Variants in ABLIM1 observed in about 807,000 individuals in gnomAD.
The protein encoded by ABLIM1 is actin binding LIM protein 1, also known as actin-binding LIM protein 1.
ABLIM1 carries 40 observed loss-of-function variants against 107.0 expected under a neutral mutation model. The observed-to-expected ratio is 0.37, with a 90% CI of 0.29 to 0.49. ABLIM1 has a LOEUF of 0.49. Among genes scored for constraint, ABLIM1 ranks in the 20% least tolerant of loss-of-function variants. The probability of loss-of-function intolerance (pLI) is 0.97; values close to 1 mark genes in which losing one functional copy is unlikely to be tolerated. For missense variants in ABLIM1, 857 were observed against 1,008.5 expected, an observed-to-expected ratio of 0.85 and a Z score of 2.04; for synonymous variants, 357 against 357.3, an observed-to-expected ratio of 1.00 and a Z score of 0.01.
chr10:114,766,136 C>T (rs1397100829), intron 1 of ABLIM1, among the ~76,000 whole-genome samples: 1 of 152,176 alleles, frequency 6.6e-6, no homozygotes, highest in Non-Finnish European at 1.5e-5. Flanking sequence ...CTCTCAAAAC[C>T]TCAATTCCTT....
At chr10:114,718,111 G>GGAAGGA (rs2081742151) in intron 1 of ABLIM1, among the ~76,000 whole-genome samples, 1 of 109,310 alleles carries the variant, frequency 9.1e-6, no homozygotes, top group Non-Finnish European at 2.0e-5. Flanking sequence ...AAAAGAAAAA[G>GGAAGGA]AAAGAAAGAA....
At chr10:114,479,196 C>T (rs2056966083) in intron 8 of ABLIM1, among the ~76,000 whole-genome samples, 1 of 152,186 alleles carries the variant, frequency 6.6e-6, no homozygotes, top group South Asian at 2.1e-4. Context: ...GCATATAAAG[C>T]TCCAAGCACC....
At chr10:114,628,920 C>T (rs978504373) in intron 1 of ABLIM1, among the ~76,000 whole-genome samples, 8 of 152,010 alleles carry the variant, frequency 5.3e-5, no homozygotes, top group East Asian at 1.9e-4. Flanking sequence ...GGTTGACGAG[C>T]GTGTATTTAG....
intron 1 of ABLIM1, among the ~76,000 whole-genome samples, chr10:114,741,922 T>C (rs891259858): frequency 6.6e-6 from 1 of 152,244 alleles, no homozygotes; most frequent in African/African-American, 2.4e-5. Context: ...CTCATTGGAA[T>C]GTTATGCAGT....
At chr10:114,575,236 C>A (rs1236990643) in intron 3 of ABLIM1, among the ~76,000 whole-genome samples, 180 bp downstream of exon 3, 1 of 152,204 alleles carries the variant, frequency 6.6e-6, no homozygotes, top group Non-Finnish European at 1.5e-5. Context: ...GGACATCACA[C>A]ATACAGTTTC....
upstream of ABLIM1, among the ~76,000 whole-genome samples, chr10:114,659,053 A>G (rs891194787): frequency 2.0e-5 from 3 of 152,224 alleles, no homozygotes; most frequent in African/African-American, 7.2e-5. Context: ...ACAACCATAC[A>G]AAAGTCCCAA....
chr10:114,571,968 G>T (rs1019486544), intron 3 of ABLIM1, among the ~76,000 whole-genome samples: 1 of 152,180 alleles, frequency 6.6e-6, no homozygotes, highest in South Asian at 2.1e-4. Flanking sequence ...GGAGAAATGG[G>T]ACAGGCTGTA....
intron 12 of ABLIM1, among the ~76,000 whole-genome samples, chr10:114,457,995 C>T (rs1411481222): frequency 1.3e-5 from 2 of 152,112 alleles, no homozygotes; most frequent in Non-Finnish European, 2.9e-5. Context: ...ATTGCTTGAA[C>T]CCGGGAGGTG....
At chr10:114,780,808 T>C in the ABLIM1 span, among the ~76,000 whole-genome samples, 1 of 152,286 alleles carries the variant, frequency 6.6e-6, no homozygotes, top group Non-Finnish European at 1.5e-5. Flanking sequence ...GCCTAGGAGT[T>C]TGAGCCCTTA....
intron 1 of ABLIM1, among the ~76,000 whole-genome samples, chr10:114,704,335 T>TATATATCTCACG (rs3061769): frequency 0.038 from 3,159 of 82,814 alleles, 356 homozygotes; most frequent in South Asian, 0.054. Flanking sequence ...TATATATATA[T>TATATATCTCACG]TGCGCGCGTT....
chr10:114,519,693 C>G (rs748949001), intron 6 of ABLIM1, among the ~76,000 whole-genome samples: 1 of 152,198 alleles, frequency 6.6e-6, no homozygotes, highest in Admixed American at 6.5e-5. Flanking sequence ...GGTCCCTGCT[C>G]TTTGTGATGG....
chr10:114,574,871 C>A (rs374072053), intron 3 of ABLIM1, among the ~76,000 whole-genome samples: 1 of 152,094 alleles, frequency 6.6e-6, no homozygotes, highest in African/African-American at 2.4e-5. Context: ...TAAGACTTTG[C>A]GGACCATATG....
chr10:114,621,989 G>A (rs78131289), intron 1 of ABLIM1, among the ~76,000 whole-genome samples: 2,162 of 152,284 alleles, frequency 0.014, 22 homozygotes, highest in Non-Finnish European at 0.023. Context: ...CTCTCGTCCT[G>A]CGGACTCCAA....
chr10:114,542,318 A>AT (rs2137389051), intron 6 of ABLIM1, among the ~76,000 whole-genome samples: 1 of 151,766 alleles, frequency 6.6e-6, no homozygotes, highest in African/African-American at 2.4e-5. Flanking sequence ...GGCTGTGCAG[A>AT]AAGATAGCTT....
chr10:114,481,651 G>A (rs918952713), intron 8 of ABLIM1, among the ~76,000 whole-genome samples: 1 of 152,208 alleles, frequency 6.6e-6, no homozygotes, highest in African/African-American at 2.4e-5. Flanking sequence ...GGAGGGTGCT[G>A]TGCGCACACA....
chr10:114,576,070 C>T (rs536954667), intron 2 of ABLIM1, among the ~76,000 whole-genome samples: 15 of 152,284 alleles, frequency 9.9e-5, no homozygotes, highest in South Asian at 6.2e-4. Flanking sequence ...TCTGGAACTA[C>T]TTTCCACTGC....
chr10:114,571,690 G>C (rs1382234636), intron 3 of ABLIM1, among the ~76,000 whole-genome samples: 1 of 152,166 alleles, frequency 6.6e-6, no homozygotes, highest in African/African-American at 2.4e-5. Flanking sequence ...TCCAGCAAGT[G>C]ATCTAGCAGG....
At chr10:114,502,851 T>G (rs117553107) in intron 6 of ABLIM1, among the ~76,000 whole-genome samples, 542 of 152,318 alleles carry the variant, frequency 3.6e-3, no homozygotes, top group Non-Finnish European at 5.9e-3. Context: ...CAACATACTC[T>G]ATAACCAGCA....
chr10:114,651,547 G>A (rs545246790), intron 1 of ABLIM1, among the ~76,000 whole-genome samples: 7 of 152,276 alleles, frequency 4.6e-5, no homozygotes, highest in East Asian at 1.9e-4. Context: ...AGACTGATGC[G>A]GGTGTTTGGG....
Sources: gnomAD v4.1 joint callset for allele counts (sites outside exome capture counted in the v4.1 genomes callset) on GRCh38, gnomAD v4.1.1 for gene constraint, MANE v1.5 for transcripts, NCBI Gene and HGNC (gene_info 2026-07-23, HGNC 2026-07-21) for gene names.